YIPF4: variants seen among roughly 807,000 people sequenced by gnomAD.
The protein encoded by YIPF4 is protein YIPF4.
YIPF4 carries 18 observed loss-of-function variants against 29.4 expected under a neutral mutation model. The ratio of observed to expected loss-of-function variants is 0.61; its 90% CI spans 0.42 to 0.91. The LOEUF (loss-of-function observed/expected upper bound fraction) is 0.91. Ranked by LOEUF, YIPF4 falls within the 40% of genes least tolerant of loss-of-function variation. The pLI, the probability that YIPF4 is intolerant of heterozygous loss-of-function variation, is 0.00. For missense variants in YIPF4, 279 were observed against 282.7 expected (o/e 0.99, Z 0.09); for synonymous variants, 115 against 104.7 (o/e 1.10, Z -0.60).
rs774101866 is a variant in YIPF4, at chr2:32,298,223, T to C, written c.406-11T>C. 6.3e-7 allele frequency: 1 copy of C among 1,581,998 alleles called. No individual in the cohort carries two copies. Among genetic ancestry groups the C allele is most frequent in the South Asian group, 1.1e-5 (1 of 87,486 alleles). On this transcript the variant is annotated splice_polypyrimidine_tract_variant and intron_variant, in intron 3 of 5. Transcript: ENST00000238831. ...TATAAAAATATTAATTGCATGATTT[T>C]TCCCCCTAAGGTGGTCTCATGGATT...
intron 1 of YIPF4, among the ~76,000 whole-genome samples, chr2:32,280,441 G>T (rs1267396314): frequency 1.3e-5 from 2 of 149,098 alleles, no homozygotes; most frequent in Admixed American, 1.4e-4. Context: ...GTGCAGTGGC[G>T]CAGTCTCAGC....
At chr2:32,298,048 A>G (rs918106506) in intron 3 of YIPF4, among the ~76,000 whole-genome samples, 186 bp from the exon 4 acceptor site, 1 of 152,078 alleles carries the variant, frequency 6.6e-6, no homozygotes, top group African/African-American at 2.4e-5. Context: ...TTTAATTTGG[A>G]TGTAAAATTG....
intron 4 of YIPF4, among the ~76,000 whole-genome samples, chr2:32,300,452 AAAAG>A (rs1195021716): frequency 9.9e-5 from 15 of 151,448 alleles, no homozygotes; most frequent in Admixed American, 2.0e-4. Flanking sequence ...AAAAAAAAAA[AAAAG>A]AGTTTCTTTT....
chr2:32,282,257 C>A (rs2030452035), intron 1 of YIPF4, among the ~76,000 whole-genome samples: 1 of 151,980 alleles, frequency 6.6e-6, no homozygotes, highest in African/African-American at 2.4e-5. Flanking sequence ...GTAGTGACAC[C>A]CCATCTCAAA....
rs2031690446 is a variant in YIPF4 at position 32,310,247 on chromosome 2, G to C, written c.*4621G>C. The C allele has an allele frequency of 6.6e-6, 1 of 152,216 alleles. No individual in the cohort carries two copies. Among genetic ancestry groups the C allele is most frequent in the East Asian group, 1.9e-4 (1 of 5,170 alleles). 9.4% of individuals were successfully genotyped at this position (152,216 alleles called of 1,614,324 possible). A position where few individuals can be genotyped will look rare whatever the true frequency, so the allele number is the denominator to read the frequency against. ...ATGGTGGCTCATGCCTGTAATCCCA[G>C]AACTTTGGGAGGCCATGGCAGGAGG... On this transcript the variant is annotated 3_prime_UTR_variant, in exon 6 of 6. Transcript: ENST00000238831.
In YIPF4 at chr2:32,311,577, A is replaced by C. The variant is rs926811835; in HGVS notation, c.*5951A>C. ...GCTGTTGCTGAGATAATTAAGTTAG[A>C]TACTAATATGAAAAAGAATATTTGT... On this transcript the variant is annotated 3_prime_UTR_variant, in exon 6 of 6. Transcript: ENST00000238831. 2 of 152,220 alleles carry C rather than the reference A, an allele frequency of 1.3e-5. No individual in the cohort carries two copies. The highest frequency in any genetic ancestry group is 2.9e-5 in the Non-Finnish European group (2 of 68,028). 9.4% of individuals were successfully genotyped at this position (152,220 alleles called of 1,614,324 possible).
rs2031720861 is a variant in YIPF4, at chr2:32,311,789, T to G, written c.*6163T>G. On this transcript the variant is annotated 3_prime_UTR_variant, in exon 6 of 6. Coordinates refer to ENST00000238831, the MANE Select transcript of YIPF4 (RefSeq NM_032312.4). ...TTTATTAAAAACCAAACAGAAGTATTTACACAAGAACAAGTGAAATTACAC... is the reference window on the plus strand; with the variant it reads ...TTTATTAAAAACCAAACAGAAGTATGTACACAAGAACAAGTGAAATTACAC... The G allele has an allele frequency of 6.6e-6, 1 of 152,114 alleles. No homozygotes were observed. Among genetic ancestry groups the G allele is most frequent in the African/African-American group, 2.4e-5 (1 of 41,440 alleles). 9.4% of individuals were successfully genotyped at this position (152,114 alleles called of 1,614,324 possible). A position where few individuals can be genotyped will look rare whatever the true frequency, so the allele number is the denominator to read the frequency against.
At chr2:32,285,776 C>T (rs1477927276) in intron 1 of YIPF4, among the ~76,000 whole-genome samples, 2 of 151,976 alleles carry the variant, frequency 1.3e-5, no homozygotes, top group Middle Eastern at 3.2e-3. Context: ...CTGCCTCAGC[C>T]TCCCAAGTAG....
intron 5 of YIPF4, 74 bp downstream of exon 5, chr2:32,301,569 A>T (rs1158524154): frequency 1.0e-5 from 10 of 973,824 alleles, no homozygotes; most frequent in African/African-American, 1.7e-5. Context: ...CTAGCTAGGA[A>T]TATTGTGATA....
At chr2:32,283,090 AAAG>A (rs1365745932) in intron 1 of YIPF4, among the ~76,000 whole-genome samples, 2 of 152,146 alleles carry the variant, frequency 1.3e-5, no homozygotes, top group East Asian at 3.9e-4. Context: ...AAAAAAAAAA[AAAG>A]GAATACCCAA....
Position 32,277,997 on chromosome 2 carries a change from G to T in YIPF4, c.-159G>T. The T allele has an allele frequency of 3.3e-6, 2 of 607,962 alleles. No individual in the cohort carries two copies. The highest frequency in any genetic ancestry group is 5.5e-6 in the Non-Finnish European group (2 of 362,214). 37.7% of individuals were successfully genotyped at this position (607,962 alleles called of 1,614,324 possible). On this transcript the variant is annotated 5_prime_UTR_variant, in exon 1 of 6. Transcript: ENST00000238831. Reference sequence around the variant, plus strand: ...GGTGGGGTAGTCTCGGGGCAGCTCAGCGGCCCGCTGTGCCCGTTTCTGGCC... The same window carrying T: ...GGTGGGGTAGTCTCGGGGCAGCTCATCGGCCCGCTGTGCCCGTTTCTGGCC...
Position 32,278,198 on chromosome 2 carries a change from G to T in YIPF4, c.43G>T (p.Gly15Trp). Residue 15 changes from glycine (G) to tryptophan (W), a missense_variant, in exon 1 of 6, where the codon GGG becomes TGG. By Grantham distance (184) the Gly-to-Trp change is radical (BLOSUM62 -2). Coordinates refer to ENST00000238831, the MANE Select transcript of YIPF4 (RefSeq NM_032312.4). Reference protein sequence around the residue: ...GPPPAYAPTNGDFTFVSSADA... With the variant: ...GPPPAYAPTNWDFTFVSSADA... ...GCCCCCGGCCTATGCCCCCACTAAC[G>T]GGGACTTCACCTTTGTCTCCTCAGC... 6.4e-7 allele frequency: 1 copy of T among 1,574,256 alleles called. No individual in the cohort carries two copies. Among genetic ancestry groups the T allele is most frequent in the East Asian group, 2.4e-5 (1 of 42,308 alleles).
intron 1 of YIPF4, among the ~76,000 whole-genome samples, chr2:32,286,557 T>G (rs777555879): frequency 2.6e-5 from 4 of 152,176 alleles, no homozygotes; most frequent in Non-Finnish European, 4.4e-5. Context: ...AAAAACATTT[T>G]TTTTTTTGAG....
At chr2:32,285,754 C>T (rs2030637607) in intron 1 of YIPF4, among the ~76,000 whole-genome samples, 2 of 151,580 alleles carry the variant, frequency 1.3e-5, no homozygotes. Context: ...CTCCCAGGCT[C>T]AAGCAATTCT....
intron 5 of YIPF4, among the ~76,000 whole-genome samples, chr2:32,302,519 C>T (rs959020179): frequency 1.2e-4 from 19 of 152,084 alleles, no homozygotes; most frequent in African/African-American, 4.1e-4. Context: ...TTGGATTTTC[C>T]GTAGTGCAGA....
intron 5 of YIPF4, among the ~76,000 whole-genome samples, chr2:32,304,798 G>A (rs1329851078): frequency 6.6e-6 from 1 of 152,118 alleles, no homozygotes; most frequent in Non-Finnish European, 1.5e-5. Context: ...TGTGTTAGGT[G>A]ACTACATCAA....
chr2:32,289,037 A>G lies in YIPF4; in HGVS notation c.80-1446A>G, dbSNP rs76575608. The stretch of plus-strand genomic sequence containing the variant: ...TTTAAATTCCACCTCTCTCATTTCA[A>G]CTTAGACAAAGAAGTAGCAAGCACT... On this transcript the variant is annotated intron_variant, in intron 1 of 5. Coordinates refer to ENST00000238831, the MANE Select transcript of YIPF4 (RefSeq NM_032312.4). 3.5e-3 allele frequency among the ~76,000 whole-genome samples: 537 copies of G among 152,354 alleles called. 3 individuals are homozygous for G. Among genetic ancestry groups the G allele is most frequent in the African/African-American group, 0.012 (481 of 41,580 alleles).
At chr2:32,305,439 T>A (rs1413370383) in intron 5 of YIPF4, 50 bp from the exon 6 acceptor site, 4 of 1,422,626 alleles carry the variant, frequency 2.8e-6, no homozygotes, top group South Asian at 1.8e-5. Context: ...TCCAAAAAGT[T>A]AATTGACTTG....
rs879748856 is a variant in YIPF4, at chr2:32,309,412, G to A, written c.*3786G>A. On this transcript the variant is annotated 3_prime_UTR_variant, in exon 6 of 6. Coordinates refer to ENST00000238831, the MANE Select transcript of YIPF4 (RefSeq NM_032312.4). The stretch of plus-strand genomic sequence containing the variant: ...AGAAACTCTGGTCCCAAGCATTTTG[G>A]AAAGGGTATACTCAATCTGTATTAA... 1 of 152,178 alleles carries A rather than the reference G, an allele frequency of 6.6e-6. No individual in the cohort carries two copies. Among genetic ancestry groups the A allele is most frequent in the Admixed American group, 6.5e-5 (1 of 15,272 alleles). 9.4% of individuals were successfully genotyped at this position (152,178 alleles called of 1,614,324 possible).
Sources: gnomAD v4.1 joint callset for allele counts (sites outside exome capture counted in the v4.1 genomes callset) on GRCh38, gnomAD v4.1.1 for gene constraint, MANE v1.5 for transcripts, NCBI Gene and HGNC (gene_info 2026-07-23, HGNC 2026-07-21) for gene names.